The following TCF25 variants were observed in gnomAD, a reference collection of about 807,000 sequenced individuals.
TCF25 encodes the protein TCF25 ribosome quality control complex subunit.
Under a neutral mutation model 83.1 loss-of-function variants are expected in TCF25, and 41 were observed. The observed-to-expected ratio is 0.49, with a 90% CI of 0.38 to 0.64. TCF25 has a LOEUF of 0.64. TCF25 is among the 30% of genes least tolerant of loss of function. TCF25 has a pLI of 0.00. For synonymous variants in TCF25, 458 were observed against 365.0 expected (o/e 1.25, Z -2.90); for missense variants, 979 against 914.5 (o/e 1.07, Z -0.91).
chr16:89,900,000 A>T lies in TCF25; in HGVS notation c.1222-635A>T, dbSNP rs569909058. ...AGTCTCACCCCCAGGAATGTGGTTT[A>T]TAGAAATTCCTGGAGCTCACAAAAA... On this transcript the variant is annotated intron_variant, in intron 11 of 17. Coordinates refer to ENST00000263346, the MANE Select transcript of TCF25 (RefSeq NM_014972.3). Among the ~76,000 whole-genome samples, 145 of 152,340 alleles carry T rather than the reference A, an allele frequency of 9.5e-4. 1 individual carries two copies. The highest frequency in any genetic ancestry group is 3.2e-3 in the African/African-American group (132 of 41,580).
rs776887690 is a variant in TCF25 at position 89,883,398 on chromosome 16, G to T, written c.240G>T (p.Arg80Ser). The T allele has an allele frequency of 1.9e-6, 3 of 1,614,002 alleles. No homozygotes were observed. Among genetic ancestry groups the T allele is most frequent in the Non-Finnish European group, 1.7e-6 (2 of 1,180,046 alleles). The stretch of plus-strand genomic sequence containing the variant: ...ATGACCCTGTGGTGAACGGGGAGAG[G>T]TCTGGCTGTGCGCTCACAGACGCTG... ...LEDDPVVNGE[R>S]SGCALTDAVA... The change falls in exon 2 of 18, where the codon AGG becomes AGT. Residue 80 changes from arginine (R) to serine (S), a missense_variant. Physicochemically the swap from Arg to Ser is moderately radical, Grantham distance 110. Transcript: ENST00000263346.
At chr16:89,894,800 A>G (rs1365499312) in intron 7 of TCF25, among the ~76,000 whole-genome samples, 7 of 152,110 alleles carry the variant, frequency 4.6e-5, no homozygotes, top group Non-Finnish European at 1.0e-4. Flanking sequence ...ACACGCCACC[A>G]CACCCGGCTA....
Position 89,873,719 on chromosome 16 carries a change from C to T in TCF25, c.52C>T (p.Pro18Ser). 2 of 1,610,828 alleles carry T rather than the reference C, an allele frequency of 1.2e-6. No individual in the cohort carries two copies. The highest frequency in any genetic ancestry group is 1.7e-6 in the Non-Finnish European group (2 of 1,179,258). ...GAGGGGGGAACAGCGCGGCCAGGAG[C>T]CCCTCGGGCCCGGCGCCTTGCATTT... is the stretch of plus-strand genomic sequence containing the variant. The part of the protein sequence containing the change: ...RLRGEQRGQE[P>S]LGPGALHFDL... Residue 18 changes from proline (P) to serine (S), a missense_variant, in exon 1 of 18, where the codon CCC (proline) becomes TCC (serine). Coordinates refer to ENST00000263346, the MANE Select transcript of TCF25 (RefSeq NM_014972.3).
At chr16:89,900,547 C>G in intron 11 of TCF25, 88 bp from the exon 12 acceptor site, 1 of 1,446,666 alleles carries the variant, frequency 6.9e-7, no homozygotes, top group Non-Finnish European at 9.4e-7. Context: ...CGGGGTAGGG[C>G]TCACTGGTGA....
chr16:89,893,956 C>T (rs1200651807), intron 7 of TCF25, 98 bp downstream of exon 7: 9 of 1,505,712 alleles, frequency 6.0e-6, no homozygotes, highest in Non-Finnish European at 8.0e-6. Flanking sequence ...GGCATGCTGC[C>T]TCCTGCCCTT....
chr16:89,881,168 C>T (rs187757016), intron 1 of TCF25, among the ~76,000 whole-genome samples: 9 of 152,344 alleles, frequency 5.9e-5, no homozygotes, highest in Admixed American at 5.9e-4. Flanking sequence ...AGAAAGCCGA[C>T]TGACCGGCAA....
chr16:89,903,111 C>A (rs967670872), intron 12 of TCF25, among the ~76,000 whole-genome samples: 1 of 152,270 alleles, frequency 6.6e-6, no homozygotes, highest in Admixed American at 6.5e-5. Flanking sequence ...TGTCTGGAAA[C>A]GCGGCTGGGA....
intron 9 of TCF25, among the ~76,000 whole-genome samples, chr16:89,898,029 A>G (rs1469838528): frequency 1.3e-5 from 2 of 151,954 alleles, no homozygotes; most frequent in African/African-American, 4.8e-5. Context: ...GCATGAACCC[A>G]GGAGGCGGAG....
intron 1 of TCF25, 122 bp downstream of exon 1, chr16:89,873,981 C>T (rs2041953701): frequency 9.6e-6 from 12 of 1,254,254 alleles, no homozygotes; most frequent in Non-Finnish European, 1.3e-5. Flanking sequence ...TGACGTGGGT[C>T]CCAGCCGCAG....
At chr16:89,906,348 C>G in intron 15 of TCF25, 64 bp downstream of exon 15, 1 of 1,535,022 alleles carries the variant, frequency 6.5e-7, no homozygotes, top group African/African-American at 1.4e-5. Flanking sequence ...CCCTTCTGCT[C>G]CGGGCGGTCC....
intron 13 of TCF25, chr16:89,904,426 C>T (rs572690664): frequency 1.6e-4 from 93 of 594,214 alleles, no homozygotes; most frequent in Middle Eastern, 4.4e-4. Context: ...AGCTTAAAAA[C>T]GAGGCTCATA....
rs75719943 is a variant in TCF25 at position 89,900,636 on chromosome 16, C to T, written c.1223C>T (p.Ala408Val). The T allele has an allele frequency of 1.5e-5, 24 of 1,587,086 alleles. No homozygotes were observed. Among genetic ancestry groups the T allele is most frequent in the Middle Eastern group, 3.3e-4 (2 of 5,994 alleles). The change falls in exon 12 of 18, where the codon GCT (alanine) becomes GTT (valine). Residue 408 changes from alanine to valine, a missense_variant and splice_region_variant. Ala to Val is a moderately conservative substitution (Grantham distance 64). Transcript: ENST00000263346. ...YLIRLFQEWE[A>V]HRNLSQLPNF... ...GCTCTGTTTCTTCGTCCCTCGTAGG[C>T]TCATCGGAACCTGTCCCAGCTCCCT... is the stretch of plus-strand genomic sequence containing the variant.
intron 16 of TCF25, chr16:89,908,826 C>G (rs2045298662): frequency 4.1e-6 from 4 of 967,288 alleles, no homozygotes; most frequent in Non-Finnish European, 5.5e-6. Flanking sequence ...CTCCCAGCTC[C>G]CAGCTCCCAC....
At chr16:89,873,935 C>G in intron 1 of TCF25, 76 bp downstream of exon 1, 1 of 1,129,474 alleles carries the variant, frequency 8.9e-7, no homozygotes, top group South Asian at 1.8e-5. Context: ...CCAGCCGGGT[C>G]GGGGAGCGGG....
At chr16:89,905,390 G>A (rs2044692100) in intron 14 of TCF25, among the ~76,000 whole-genome samples, 1 of 152,188 alleles carries the variant, frequency 6.6e-6, no homozygotes, top group South Asian at 2.1e-4. Flanking sequence ...GTGAGATGAT[G>A]ACGAGTCTCT....
In TCF25 at chr16:89,909,250, G is replaced by A. The variant is rs544935006; in HGVS notation, c.1800-1341G>A. ...TAGCCAGCTGGGTGCAGTGACTCAC[G>A]CCTGTAATTCCAGCAGTTTGAGAGG... is the stretch of plus-strand genomic sequence containing the variant. On this transcript the variant is annotated intron_variant, in intron 16 of 17. Coordinates refer to ENST00000263346, the MANE Select transcript of TCF25 (RefSeq NM_014972.3). 47 of 904,550 alleles carry A rather than the reference G, an allele frequency of 5.2e-5. No homozygotes were observed. In the South Asian group the frequency reaches 7.0e-4, roughly 13 times the overall value. The allele number at this position is 904,550 out of a possible 1,614,324, so 56.0% of individuals were successfully genotyped here. A position where few individuals can be genotyped will look rare whatever the true frequency, so the allele number is the denominator to read the frequency against.
chr16:89,883,315 G>A, intron 1 of TCF25, 36 bp from the exon 2 acceptor site: 1 of 1,607,624 alleles, frequency 6.2e-7, no homozygotes, highest in Non-Finnish European at 8.5e-7. Context: ...CACACTGTAA[G>A]TAACGCCCTG....
In TCF25 at chr16:89,873,624, C is replaced by G; in HGVS notation, c.-44C>G. The G allele has an allele frequency of 6.8e-7, 1 of 1,460,478 alleles. No individual in the cohort carries two copies. Among genetic ancestry groups the G allele is most frequent in the Non-Finnish European group, 9.0e-7 (1 of 1,109,240 alleles). 90.5% of individuals were successfully genotyped at this position (1,460,478 alleles called of 1,614,324 possible). A position where few individuals can be genotyped will look rare whatever the true frequency, so the allele number is the denominator to read the frequency against. On this transcript the variant is annotated 5_prime_UTR_variant, in exon 1 of 18. Coordinates refer to ENST00000263346, the MANE Select transcript of TCF25 (RefSeq NM_014972.3). ...GGCGCGCCGACAGCCGAGTTTTCTG[C>G]GCTTCCTTCTCCCTCTCTCCAGACG...
At chr16:89,895,848 G>A (rs1597339209) in intron 8 of TCF25, 142 bp from the exon 9 acceptor site, 1 of 676,930 alleles carries the variant, frequency 1.5e-6, no homozygotes, top group South Asian at 1.9e-5. Context: ...GGTGCCCAGG[G>A]GCATGTCTGC....
Sources: allele counts gnomAD v4.1 joint callset (sites outside exome capture counted in the v4.1 genomes callset), GRCh38; gene constraint gnomAD v4.1.1; transcripts MANE v1.5; gene names NCBI Gene and HGNC (gene_info 2026-07-23, HGNC 2026-07-21).